ANXA4: variants seen among roughly 807,000 people sequenced by gnomAD.
ANXA4 encodes the protein annexin A4, also known as 35-beta calcimedin.
A neutral mutation model predicts 49.8 loss-of-function variants in ANXA4; 39 were observed. That is an observed-to-expected ratio of 0.78 (90% CI 0.61 to 1.02). ANXA4 has a LOEUF of 1.02. ANXA4 is among the 50% of genes least tolerant of loss of function. The pLI, the probability that ANXA4 is intolerant of heterozygous loss-of-function variation, is 0.00. For missense variants in ANXA4, 360 were observed against 410.1 expected, an observed-to-expected ratio of 0.88 and a Z score of 1.05; for synonymous variants, 134 against 152.5, an observed-to-expected ratio of 0.88 and a Z score of 0.89.
At chr2:69,655,107 A>C (rs891930656) in intron 2 of ANXA4, among the ~76,000 whole-genome samples, 2 of 152,262 alleles carry the variant, frequency 1.3e-5, no homozygotes, top group African/African-American at 4.8e-5. Context: ...CATTCAGGAC[A>C]GAGGCCTGGG....
In ANXA4 at chr2:69,725,817, G is replaced by A. The variant is rs1669949291; in HGVS notation, n.864+4946G>A. Among the ~76,000 whole-genome samples, 2 of 152,110 alleles carry A rather than the reference G, an allele frequency of 1.3e-5. 1 individual carries two copies. The highest frequency in any genetic ancestry group is 4.1e-4 in the South Asian group (2 of 4,828). Reference sequence around the variant, plus strand: ...ATCATTTATTTTTAAGGAAAACAATGGCATTTTAAGAGCCACCTCATTTTA... The same window carrying A: ...ATCATTTATTTTTAAGGAAAACAATAGCATTTTAAGAGCCACCTCATTTTA... On this transcript the variant is annotated intron_variant and non_coding_transcript_variant, in intron 3 of 3. Coordinates refer to the ANXA4 transcript ENST00000418066.
At chr2:69,801,989 T>C (rs940684531) in intron 3 of ANXA4, among the ~76,000 whole-genome samples, 6 of 152,014 alleles carry the variant, frequency 3.9e-5, no homozygotes, top group Non-Finnish European at 8.8e-5. Context: ...GAGCCTGGAG[T>C]GCAGCACAGT....
rs1426734404 is a variant in ANXA4 at position 69,771,470 on chromosome 2, T to G, written c.-46-10050T>G. ...CCGTTCTTTCCCATTAAAATGAGTT[T>G]GCATATCTTTGTTTTGATGGGTGTT... is the stretch of plus-strand genomic sequence containing the variant. On this transcript the variant is annotated intron_variant, in intron 1 of 12. Coordinates refer to ENST00000394295, the MANE Select transcript of ANXA4 (RefSeq NM_001153.5). Among the ~76,000 whole-genome samples, 3 of 152,246 alleles carry G rather than the reference T, an allele frequency of 2.0e-5. No homozygotes were observed. The East Asian group carries it at 5.8e-4, about 29-fold the overall frequency.
chr2:69,752,037 A>G (rs1670864316), intron 1 of ANXA4, among the ~76,000 whole-genome samples: 1 of 152,178 alleles, frequency 6.6e-6, no homozygotes, highest in Admixed American at 6.5e-5. Context: ...GAAGAGGTGC[A>G]CCTAACTCTA....
chr2:69,735,753 G>T (rs1050458548), intron 3 of ANXA4, among the ~76,000 whole-genome samples: 1 of 152,110 alleles, frequency 6.6e-6, no homozygotes, highest in African/African-American at 2.4e-5. Flanking sequence ...AAATTCAGGG[G>T]TGTGAAACAA....
At chr2:69,778,283 T>C (rs982245105) in intron 1 of ANXA4, among the ~76,000 whole-genome samples, 1 of 152,218 alleles carries the variant, frequency 6.6e-6, no homozygotes, top group African/African-American at 2.4e-5. Flanking sequence ...AGAGGTTGAA[T>C]AGAAGTTATA....
In ANXA4 at chr2:69,793,024, C is replaced by T. The variant is rs563181030; in HGVS notation, c.97+4883C>T. Among the ~76,000 whole-genome samples the T allele has an allele frequency of 2.0e-4, 30 of 151,302 alleles. No homozygotes were observed. In the South Asian group the frequency reaches 3.5e-3, roughly 18 times the overall value. On this transcript the variant is annotated intron_variant, in intron 3 of 12. Transcript: ENST00000394295. Reference sequence around the variant, plus strand: ...ATCCCAGCACTTTGGGAGGCCAAGGCGGGCGGATCACGAGGTCAGGAGATC... The same window carrying T: ...ATCCCAGCACTTTGGGAGGCCAAGGTGGGCGGATCACGAGGTCAGGAGATC...
intron 2 of ANXA4, among the ~76,000 whole-genome samples, chr2:69,700,029 GA>G (rs919973985): frequency 6.6e-5 from 10 of 152,310 alleles, no homozygotes; most frequent in Admixed American, 3.9e-4. Context: ...TGGAAGGAGA[GA>G]GGGAAAAACT....
At chr2:69,724,776 T>TAAGCTGGGGCAAGAAAGAAA (rs1423680962) in intron 3 of ANXA4, among the ~76,000 whole-genome samples, 3 of 82,230 alleles carry the variant, frequency 3.6e-5, no homozygotes, top group Admixed American at 1.2e-4. Flanking sequence ...GCAAGAAAGA[T>TAAGCTGGGGCAAGAAAGAAA]GAACTCATTC....
chr2:69,703,306 C>A (rs565120886), intron 2 of ANXA4, among the ~76,000 whole-genome samples: 6 of 151,808 alleles, frequency 4.0e-5, no homozygotes, highest in African/African-American at 1.5e-4. Flanking sequence ...TTAAAGTATG[C>A]AATTCAGTGA....
intron 1 of ANXA4, among the ~76,000 whole-genome samples, chr2:69,756,975 T>C (rs1201864474): frequency 6.7e-6 from 1 of 149,190 alleles, no homozygotes; most frequent in Non-Finnish European, 1.5e-5. Flanking sequence ...TTCCCCAGGC[T>C]GGCGTGCAGT....
At chr2:69,703,406 G>T (rs1678394841) in intron 2 of ANXA4, among the ~76,000 whole-genome samples, 1 of 151,836 alleles carries the variant, frequency 6.6e-6, no homozygotes, top group African/African-American at 2.4e-5. Context: ...CACCCATTAA[G>T]TGATCACTTC....
chr2:69,709,981 CTTTTTTT>C (rs974347199), intron 2 of ANXA4, among the ~76,000 whole-genome samples: 2 of 97,022 alleles, frequency 2.1e-5, no homozygotes, highest in African/African-American at 4.3e-5. Flanking sequence ...CACTTCCAGG[CTTTTTTT>C]TTTTTTTTTT....
At chr2:69,783,748 A>G (rs986539382) in intron 2 of ANXA4, among the ~76,000 whole-genome samples, 1 of 152,136 alleles carries the variant, frequency 6.6e-6, no homozygotes, top group Non-Finnish European at 1.5e-5. Flanking sequence ...TGCCCGTTTC[A>G]TATTAACTCC....
rs187481071 is a variant in ANXA4 at position 69,756,160 on chromosome 2, C to A, written c.-47+13985C>A. Among the ~76,000 whole-genome samples the A allele has an allele frequency of 4.6e-5, 7 of 152,334 alleles. No individual in the cohort carries two copies. The East Asian group carries it at 1.3e-3, about 29-fold the overall frequency. ...CTTTATCAGCATATCCCTGGCCTTA[C>A]CTTGTGGGTTAGGGTTGGTGTAAGT... On this transcript the variant is annotated intron_variant, in intron 1 of 12. Transcript: ENST00000394295.
intron 3 of ANXA4, among the ~76,000 whole-genome samples, chr2:69,801,264 G>A (rs1673182510): frequency 2.0e-5 from 3 of 152,084 alleles, no homozygotes; most frequent in Admixed American, 6.5e-5. Flanking sequence ...CCTTGTGCAA[G>A]CTTTCAGTTT....
Position 69,826,685 on chromosome 2 carries a change from G to A in ANXA4, c.*1170G>A, listed in dbSNP as rs1674484277. 1.3e-5 allele frequency: 2 copies of A among 151,568 alleles called. No homozygotes were observed. The highest frequency in any genetic ancestry group is 6.6e-5 in the Admixed American group (1 of 15,196). The allele number at this position is 151,568 out of a possible 1,614,324, so 9.4% of individuals were successfully genotyped here. On this transcript the variant is annotated 3_prime_UTR_variant, in exon 13 of 13. Transcript: ENST00000394295. ...CTGTAATCCCAGCCACTCGGAGGCT[G>A]AGTCAGGGAGAACTGCTTGAACCCA... is the stretch of plus-strand genomic sequence containing the variant.
chr2:69,745,302 G>A (rs570181678), intron 1 of ANXA4, among the ~76,000 whole-genome samples: 19 of 152,246 alleles, frequency 1.2e-4, no homozygotes, highest in African/African-American at 3.9e-4. Flanking sequence ...TGATGTTGGC[G>A]AGAGCTCTGT....
chr2:69,718,823 T>G lies in ANXA4; in HGVS notation n.767-1951T>G, dbSNP rs541847347. Among the ~76,000 whole-genome samples the G allele has an allele frequency of 1.2e-4, 18 of 150,384 alleles. No individual in the cohort carries two copies. The East Asian group carries it at 3.3e-3, about 28-fold the overall frequency. ...TGCATACACACACATGCTGCACACA[T>G]GCACACACATATACATGCACACACA... On this transcript the variant is annotated intron_variant and non_coding_transcript_variant, in intron 2 of 3. Transcript: ENST00000418066.
Sources: gnomAD v4.1 joint callset for allele counts (sites outside exome capture counted in the v4.1 genomes callset) on GRCh38, gnomAD v4.1.1 for gene constraint, MANE v1.5 for transcripts, NCBI Gene and HGNC (gene_info 2026-07-23, HGNC 2026-07-21) for gene names.